Variants in DHX8 observed in about 807,000 individuals in gnomAD.
DHX8 encodes the protein DEAH-box helicase 8.
In DHX8, 67 loss-of-function variants were observed where a neutral mutation model predicts 140.7. The observed-to-expected ratio is 0.48, with a 90% CI of 0.39 to 0.58. The LOEUF (loss-of-function observed/expected upper bound fraction) is 0.58, where lower values mean the gene tolerates loss of function less well. DHX8 is among the 20% of genes least tolerant of loss of function. DHX8 has a pLI of 0.00. For missense variants in DHX8, 887 were observed against 1,550.7 expected, an observed-to-expected ratio of 0.57 and a Z score of 7.19; for synonymous variants, 533 against 553.2, an observed-to-expected ratio of 0.96 and a Z score of 0.51.
At chr17:43,509,035 T>C (rs1386582698) in intron 16 of DHX8, among the ~76,000 whole-genome samples, 1 of 152,198 alleles carries the variant, frequency 6.6e-6, no homozygotes, top group African/African-American at 2.4e-5. Flanking sequence ...CTCTTCTTCA[T>C]TTGACAAATA....
At chr17:43,528,844 C>T (rs1736011154), downstream of DHX8, 2 of 909,098 alleles carry the variant, frequency 2.2e-6, no homozygotes, top group Non-Finnish European at 3.4e-6. Flanking sequence ...CCAGTACAGG[C>T]AGATGCTCGG....
chr17:43,512,815 G>T (rs746268102), intron 16 of DHX8, among the ~76,000 whole-genome samples: 3 of 152,200 alleles, frequency 2.0e-5, no homozygotes, highest in Non-Finnish European at 2.9e-5. Context: ...AGATCACATA[G>T]ACTGCTACAC....
chr17:43,528,878 C>A, downstream of DHX8: 1 of 736,276 alleles, frequency 1.4e-6, no homozygotes. Context: ...CATGCTGGTT[C>A]CTGAGAAGCT....
downstream of DHX8, among the ~76,000 whole-genome samples, chr17:43,527,117 C>T (rs1352911565): frequency 2.0e-5 from 3 of 152,184 alleles, no homozygotes; most frequent in East Asian, 1.9e-4. Flanking sequence ...CTCAGTCATA[C>T]GTCCTCCATA....
chr17:43,504,025 C>G (rs1238618298), intron 11 of DHX8, among the ~76,000 whole-genome samples: 1 of 151,044 alleles, frequency 6.6e-6, no homozygotes, highest in African/African-American at 2.4e-5. Flanking sequence ...TGCAGTGAGC[C>G]GTGATTGCGT....
chr17:43,542,717 C>T (rs1198817825), intron 3 of DHX8, among the ~76,000 whole-genome samples: 1 of 152,226 alleles, frequency 6.6e-6, no homozygotes, highest in East Asian at 1.9e-4. Flanking sequence ...TGCAACCACA[C>T]TGGAATCTTC....
chr17:43,523,199 A>G (rs1598181106), intron 22 of DHX8, among the ~76,000 whole-genome samples: 1 of 152,266 alleles, frequency 6.6e-6, no homozygotes, highest in South Asian at 2.1e-4. Flanking sequence ...TAAAACCACC[A>G]TGTTATCACA....
intron 1 of DHX8, 37 bp from the exon 2 acceptor site, chr17:43,489,412 T>C: frequency 7.3e-7 from 1 of 1,374,074 alleles, no homozygotes. Flanking sequence ...TTCTTGTTCA[T>C]GTCTCTTCTT....
rs113790967 is a variant in DHX8, at chr17:43,496,711, C to T, written c.1300+443C>T. Among the ~76,000 whole-genome samples, 28 of 151,676 alleles carry T rather than the reference C, an allele frequency of 1.8e-4. 1 individual carries two copies. Among genetic ancestry groups the T allele is most frequent in the African/African-American group, 6.5e-4 (27 of 41,350 alleles). On this transcript the variant is annotated intron_variant, in intron 9 of 22. Transcript: ENST00000262415. ...AGGAGAATTGCTTGAACCCAGGAGACGGAGGTTGCCGTGAGCCGAGATCGC... is the reference window on the plus strand; with the variant it reads ...AGGAGAATTGCTTGAACCCAGGAGATGGAGGTTGCCGTGAGCCGAGATCGC...
downstream of DHX8, chr17:43,529,986 G>C (rs377679946): frequency 1.9e-6 from 3 of 1,613,864 alleles, no homozygotes; most frequent in Admixed American, 5.0e-5. Context: ...CTCAGATCTG[G>C]GGGTTCACCG....
chr17:43,493,718 A>G lies in DHX8; in HGVS notation c.1044A>G (p.Pro348=), dbSNP rs771381032. The G allele has an allele frequency of 3.7e-6, 6 of 1,614,112 alleles. No homozygotes were observed. In the African/African-American group the frequency reaches 8.0e-5, roughly 22 times the overall value. The change falls in exon 8 of 23, where the codon CCA becomes CCG. Residue 348 remains proline (P), a synonymous_variant. Transcript: ENST00000262415. Reference sequence around the variant, plus strand: ...AAGAGACTGGAGAAGATCTAAACCCAAATAGACGGCGAAATCTTGTCGGGG... The same window carrying G: ...AAGAGACTGGAGAAGATCTAAACCCGAATAGACGGCGAAATCTTGTCGGGG... The part of the protein sequence containing the change: ...VDQETGEDLN[P]NRRRNLVGET...
At chr17:43,486,099 G>C (rs1004690982) in intron 1 of DHX8, among the ~76,000 whole-genome samples, 1 of 151,766 alleles carries the variant, frequency 6.6e-6, no homozygotes, top group Non-Finnish European at 1.5e-5. Flanking sequence ...GCTGAGGCAG[G>C]AGAATCGCTT....
chr17:43,517,053 AC>A, intron 17 of DHX8, 113 bp from the exon 18 acceptor site: 2 of 1,134,936 alleles, frequency 1.8e-6, no homozygotes, highest in Non-Finnish European at 2.4e-6. Flanking sequence ...AGTGAAATCA[AC>A]CCCATTTCTG....
At chr17:43,507,228 ACCAGAAGCAAAGGC>A in intron 13 of DHX8, 31 bp downstream of exon 13, 1 of 1,573,010 alleles carries the variant, frequency 6.4e-7, no homozygotes, top group Admixed American at 1.9e-5. Context: ...CTCGAAAAAT[ACCAGAAGCAAAGGC>A]CCAGGTCTCT....
At position 43,493,732 on chromosome 17, in the gene DHX8, A is replaced by G. The variant is rs1452520118; in HGVS notation, c.1058A>G (p.Asn353Ser). The change falls in exon 8 of 23, where the codon AAT becomes AGT. Residue 353 changes from asparagine to serine, a missense_variant. By Grantham distance (46) the Asn-to-Ser change is conservative. Around this residue, in one of 9 missense-constraint regions of DHX8, gnomAD observed 98 missense variants for 152.7 expected, o/e 0.64. Coordinates refer to ENST00000262415, the MANE Select transcript of DHX8 (RefSeq NM_004941.3). The part of the protein sequence containing the change: ...GEDLNPNRRR[N>S]LVGETNEETS... ...GATCTAAACCCAAATAGACGGCGAA[A>G]TCTTGTCGGGGAGACCAATGAGGAG... 1.2e-6 allele frequency: 2 copies of G among 1,614,106 alleles called. No homozygotes were observed. The highest frequency in any genetic ancestry group is 1.3e-5 in the African/African-American group (1 of 74,930).
chr17:43,513,709 C>CTTTTTTTTTTTT (rs34829204), intron 17 of DHX8, among the ~76,000 whole-genome samples: 3 of 105,966 alleles, frequency 2.8e-5, no homozygotes, highest in Non-Finnish European at 5.6e-5. Flanking sequence ...AGTTTTTAAT[C>CTTTTTTTTTTTT]TTTTTTTTTT....
At chr17:43,536,039 AG>A (rs1971226674) in intron 2 of DHX8, among the ~76,000 whole-genome samples, 1 of 152,192 alleles carries the variant, frequency 6.6e-6, no homozygotes, top group African/African-American at 2.4e-5. Flanking sequence ...TAAACCCGGG[AG>A]GCGGAAGTTG....
chr17:43,525,878 GAGGGAGGGTTGGGTTTCA>G, downstream of DHX8: 3 of 977,128 alleles, frequency 3.1e-6, no homozygotes, highest in Non-Finnish European at 3.6e-6. Flanking sequence ...GACACCTGGG[GAGGGAGGGTTGGGTTTCA>G]AGCTGAGGTT....
intron 3 of DHX8, among the ~76,000 whole-genome samples, chr17:43,543,210 C>T (rs867810691): frequency 1.3e-5 from 2 of 151,482 alleles, no homozygotes; most frequent in Non-Finnish European, 2.9e-5. Context: ...CTTGCAATCC[C>T]CACCCCACCT....
Sources: gnomAD v4.1 joint callset for allele counts (sites outside exome capture counted in the v4.1 genomes callset) on GRCh38, gnomAD v4.1.1 for gene constraint, gnomAD v4.1.1 regional missense constraint, MANE v1.5 for transcripts, NCBI Gene and HGNC (gene_info 2026-07-23, HGNC 2026-07-21) for gene names.